The following CALN1 variants were observed in gnomAD, a reference collection of about 807,000 sequenced individuals.
The protein encoded by CALN1 is calcium-binding protein 8.
CALN1 carries 17 observed loss-of-function variants against 30.6 expected under a neutral mutation model. That is an observed-to-expected ratio of 0.56 (90% CI 0.38 to 0.83). The LOEUF (loss-of-function observed/expected upper bound fraction) is 0.83, where lower values mean the gene tolerates loss of function less well. Ranked by LOEUF, CALN1 falls within the 40% of genes least tolerant of loss-of-function variation. The pLI is 0.00. For missense variants in CALN1, 291 were observed against 354.9 expected (o/e 0.82, Z 1.45); for synonymous variants, 156 against 131.4 (o/e 1.19, Z -1.28).
At chr7:71,862,762 G>A (rs143766344) in intron 5 of CALN1, among the ~76,000 whole-genome samples, 98 of 152,252 alleles carry the variant, frequency 6.4e-4, no homozygotes, top group African/African-American at 2.0e-3. Context: ...TTTGTTCAGC[G>A]TTTCTTCTAA....
chr7:72,217,183 C>T (rs936176394), intron 3 of CALN1, among the ~76,000 whole-genome samples: 1 of 152,150 alleles, frequency 6.6e-6, no homozygotes, highest in African/African-American at 2.4e-5. Context: ...CCCAAACTCC[C>T]CCTAAGGGCT....
chr7:72,302,770 C>T (rs1486460621), intron 2 of CALN1, among the ~76,000 whole-genome samples: 3 of 151,586 alleles, frequency 2.0e-5, no homozygotes. Context: ...TGGTGGGCAC[C>T]TGTAGTCCCA....
chr7:71,849,257 G>C (rs1409556396), intron 5 of CALN1, among the ~76,000 whole-genome samples: 2 of 152,060 alleles, frequency 1.3e-5, no homozygotes, highest in African/African-American at 2.4e-5. Flanking sequence ...CCCATCCTTA[G>C]CCCAAGTGAT....
intron 5 of CALN1, among the ~76,000 whole-genome samples, chr7:71,846,976 AC>A (rs1438446844): frequency 6.7e-6 from 1 of 148,572 alleles, no homozygotes; most frequent in African/African-American, 2.5e-5. Flanking sequence ...ACACATATAT[AC>A]ACATATACAC....
chr7:72,491,969 G>C, the CALN1 span, among the ~76,000 whole-genome samples: 1 of 152,058 alleles, frequency 6.6e-6, no homozygotes, highest in African/African-American at 2.4e-5. Flanking sequence ...CTAAGATATG[G>C]GGCAAACTAT....
intron 5 of CALN1, among the ~76,000 whole-genome samples, chr7:71,866,292 G>A (rs1221015201): frequency 2.0e-5 from 3 of 151,924 alleles, no homozygotes; most frequent in Admixed American, 6.6e-5. Context: ...CAGGCATGAG[G>A]CACCGCGCCC....
chr7:72,403,121 G>A, intron 2 of CALN1, 130 bp downstream of exon 2: 2 of 635,160 alleles, frequency 3.1e-6, no homozygotes, highest in South Asian at 2.1e-5. Flanking sequence ...TCTCCCAGGT[G>A]TCCATTTCAT....
At chr7:72,351,603 TTATC>T (rs1802926014) in intron 2 of CALN1, among the ~76,000 whole-genome samples, 1 of 152,188 alleles carries the variant, frequency 6.6e-6, no homozygotes, top group Non-Finnish European at 1.5e-5. Context: ...GATAGTCAAT[TTATC>T]CATGAAGTGG....
chr7:71,884,055 A>C (rs1395017999), intron 5 of CALN1, among the ~76,000 whole-genome samples: 4 of 152,130 alleles, frequency 2.6e-5, no homozygotes, highest in Non-Finnish European at 5.9e-5. Context: ...CTGGGACTAC[A>C]GGTGTGCGCC....
At chr7:71,878,218 T>C (rs1339267181) in intron 5 of CALN1, among the ~76,000 whole-genome samples, 1 of 151,902 alleles carries the variant, frequency 6.6e-6, no homozygotes, top group South Asian at 2.1e-4. Flanking sequence ...TACCACTGGG[T>C]AAGAAAAGTA....
intron 2 of CALN1, among the ~76,000 whole-genome samples, chr7:72,285,401 G>A (rs901096305): frequency 2.0e-5 from 3 of 151,950 alleles, no homozygotes; most frequent in Admixed American, 2.0e-4. Context: ...CTGCCACCAC[G>A]TCTGCCTAAT....
At chr7:72,325,236 T>C (rs376573846) in intron 2 of CALN1, among the ~76,000 whole-genome samples, 3 of 152,306 alleles carry the variant, frequency 2.0e-5, no homozygotes, top group East Asian at 3.9e-4. Flanking sequence ...AAGTTGAGGC[T>C]GCAGTGAGCC....
At chr7:72,199,001 G>A (rs1349289842) in intron 3 of CALN1, among the ~76,000 whole-genome samples, 3 of 152,172 alleles carry the variant, frequency 2.0e-5, no homozygotes, top group Non-Finnish European at 2.9e-5. Flanking sequence ...CTGGCTGGGC[G>A]CAGTGGCTCA....
At chr7:72,218,675 T>C (rs1246586778) in intron 3 of CALN1, among the ~76,000 whole-genome samples, 1 of 152,110 alleles carries the variant, frequency 6.6e-6, no homozygotes, top group Non-Finnish European at 1.5e-5. Flanking sequence ...AACATAATTG[T>C]CCTTCAAAGA....
At chr7:72,036,822 C>T (rs1017540317) in intron 4 of CALN1, among the ~76,000 whole-genome samples, 3 of 151,500 alleles carry the variant, frequency 2.0e-5, no homozygotes, top group African/African-American at 7.3e-5. Context: ...TTTGAATGGG[C>T]CATTCTTTCT....
chr7:72,108,625 A>T (rs1028042804), intron 3 of CALN1, among the ~76,000 whole-genome samples: 15 of 151,898 alleles, frequency 9.9e-5, no homozygotes, highest in African/African-American at 3.4e-4. Context: ...CTTACCATAC[A>T]CCCTGCCCTT....
chr7:71,919,642 C>T (rs1794838655), intron 5 of CALN1, among the ~76,000 whole-genome samples: 1 of 152,066 alleles, frequency 6.6e-6, no homozygotes, highest in Non-Finnish European at 1.5e-5. Flanking sequence ...CTAAGGGAGT[C>T]AGGGGAGTGT....
chr7:72,377,726 T>G (rs989208739), intron 2 of CALN1, among the ~76,000 whole-genome samples: 3 of 152,126 alleles, frequency 2.0e-5, no homozygotes, highest in African/African-American at 7.2e-5. Context: ...TCCTTAAACT[T>G]ATGAAACCCC....
intron 6 of CALN1, 75 bp downstream of exon 6, chr7:71,810,261 C>CT: frequency 1.3e-6 from 2 of 1,484,860 alleles, no homozygotes; most frequent in Non-Finnish European, 1.8e-6. Flanking sequence ...TGTGTGTGAA[C>CT]GCATTTTTCA....
Sources: gnomAD v4.1 joint callset for allele counts (sites outside exome capture counted in the v4.1 genomes callset) on GRCh38, gnomAD v4.1.1 for gene constraint, MANE v1.5 for transcripts, NCBI Gene and HGNC (gene_info 2026-07-23, HGNC 2026-07-21) for gene names.